SLC71A2: variants seen among roughly 807,000 people sequenced by gnomAD.
SLC71A2 encodes hippocampus abundant transcript-like 1.
the SLC71A2 span, chr9:94,459,572 GTTTT>G: frequency 5.6e-5 from 27 of 480,542 alleles, no homozygotes; most frequent in East Asian, 2.1e-4. Context: ...TCCTCCTCCT[GTTTT>G]TTTTTTTTCT....
the SLC71A2 span, among the ~76,000 whole-genome samples, chr9:94,425,229 G>A: frequency 1.1e-4 from 17 of 152,026 alleles, no homozygotes; most frequent in Non-Finnish European, 2.1e-4. Context: ...GCTTGAACCC[G>A]GGAGGTGGAG....
chr9:94,422,520 G>T, the SLC71A2 span, among the ~76,000 whole-genome samples: 2 of 151,984 alleles, frequency 1.3e-5, no homozygotes, highest in African/African-American at 4.8e-5. Context: ...TGTTTCTTGG[G>T]GTATATATCT....
At chr9:94,412,089 T>G in the SLC71A2 span, among the ~76,000 whole-genome samples, 1 of 152,234 alleles carries the variant, frequency 6.6e-6, no homozygotes, top group African/African-American at 2.4e-5. Flanking sequence ...ATCAATAGTT[T>G]ACAAACGTTT....
At chr9:94,429,467 T>C in the SLC71A2 span, among the ~76,000 whole-genome samples, 1 of 152,092 alleles carries the variant, frequency 6.6e-6, no homozygotes, top group Admixed American at 6.6e-5. Context: ...GTGTGAATAC[T>C]CTATAGGCCT....
chr9:94,396,173 A>G, the SLC71A2 span, among the ~76,000 whole-genome samples: 19 of 150,240 alleles, frequency 1.3e-4, no homozygotes, highest in African/African-American at 4.4e-4. Flanking sequence ...TTTGTGATAT[A>G]CCCATATAAT....
At chr9:94,440,872 T>C in the SLC71A2 span, 14 of 581,784 alleles carry the variant, frequency 2.4e-5, no homozygotes, top group African/African-American at 3.7e-5. Flanking sequence ...TACATACATA[T>C]ACAAGTATAC....
the SLC71A2 span, among the ~76,000 whole-genome samples, chr9:94,405,616 C>T: frequency 6.6e-6 from 1 of 152,006 alleles, no homozygotes; most frequent in Non-Finnish European, 1.5e-5. Flanking sequence ...TACAGGCACA[C>T]ACCACCATGC....
chr9:94,387,686 G>A, the SLC71A2 span, among the ~76,000 whole-genome samples: 3 of 152,176 alleles, frequency 2.0e-5, no homozygotes, highest in African/African-American at 7.2e-5. Flanking sequence ...AGTTCCTTAT[G>A]TTGCCTATAT....
the SLC71A2 span, among the ~76,000 whole-genome samples, chr9:94,380,050 G>A: frequency 5.3e-5 from 8 of 152,134 alleles, no homozygotes; most frequent in African/African-American, 1.4e-4. Context: ...GGCGGATCAC[G>A]AGGTCAGGAG....
the SLC71A2 span, among the ~76,000 whole-genome samples, chr9:94,411,816 C>G: frequency 6.6e-6 from 1 of 152,078 alleles, no homozygotes; most frequent in African/African-American, 2.4e-5. Context: ...GTCATGAACT[C>G]CTGACCTCAA....
At chr9:94,419,006 G>A in the SLC71A2 span, among the ~76,000 whole-genome samples, 1 of 152,042 alleles carries the variant, frequency 6.6e-6, no homozygotes, top group African/African-American at 2.4e-5. Context: ...GAGACTCCTC[G>A]TGTTGACTCC....
the SLC71A2 span, among the ~76,000 whole-genome samples, chr9:94,459,000 C>T: frequency 6.6e-6 from 1 of 152,178 alleles, no homozygotes; most frequent in Non-Finnish European, 1.5e-5. Context: ...ATTCCAAACA[C>T]CAAGCTCTAG....
At chr9:94,447,762 A>G in the SLC71A2 span, among the ~76,000 whole-genome samples, 1 of 152,178 alleles carries the variant, frequency 6.6e-6, no homozygotes, top group East Asian at 1.9e-4. Context: ...ACATGATAAC[A>G]TGTATCAACC....
chr9:94,400,038 T>C, the SLC71A2 span, among the ~76,000 whole-genome samples: 73,350 of 151,474 alleles, frequency 0.48, 17,963 homozygotes, highest in East Asian at 0.6. Context: ...CTCAAACTCA[T>C]GATCTCAAGT....
the SLC71A2 span, among the ~76,000 whole-genome samples, chr9:94,438,169 C>G: frequency 1.3e-5 from 2 of 152,054 alleles, no homozygotes; most frequent in Non-Finnish European, 2.9e-5. Context: ...AACTCCTGAC[C>G]TCAAGTGATC....
the SLC71A2 span, among the ~76,000 whole-genome samples, chr9:94,391,857 C>CTGTT: frequency 2.0e-5 from 3 of 151,966 alleles, no homozygotes; most frequent in Admixed American, 6.6e-5. Context: ...CCAGCCTGGG[C>CTGTT]AACAGAGCGA....
At chr9:94,426,896 G>A in the SLC71A2 span, among the ~76,000 whole-genome samples, 1 of 152,200 alleles carries the variant, frequency 6.6e-6, no homozygotes. Context: ...GTGCAGTGGT[G>A]CAATCATAGC....
At chr9:94,419,118 G>GTT in the SLC71A2 span, among the ~76,000 whole-genome samples, 29 of 144,622 alleles carry the variant, frequency 2.0e-4, 1 homozygote, top group East Asian at 5.2e-3. Flanking sequence ...GCAATTTTGG[G>GTT]TTTTTTTTTT....
the SLC71A2 span, among the ~76,000 whole-genome samples, chr9:94,387,417 C>A: frequency 6.9e-6 from 1 of 144,662 alleles, no homozygotes; most frequent in African/African-American, 2.7e-5. Flanking sequence ...TGTGTCTCAC[C>A]TGGTTTGCTA....
Sources: allele counts gnomAD v4.1 joint callset (sites outside exome capture counted in the v4.1 genomes callset), GRCh38; gene constraint gnomAD v4.1.1; transcripts MANE v1.5; gene names NCBI Gene and HGNC (gene_info 2026-07-23, HGNC 2026-07-21).